GRID1: variants seen among roughly 807,000 people sequenced by gnomAD.
The protein encoded by GRID1 is glutamate receptor ionotropic, delta-1.
In GRID1, 28 loss-of-function variants were observed where a neutral mutation model predicts 98.0. That is an observed-to-expected ratio of 0.29 (90% CI 0.21 to 0.39). The LOEUF is 0.39. GRID1 is among the 10% of genes least tolerant of loss of function. The pLI is 1.00. For missense variants in GRID1, 1,111 were observed against 1,340.5 expected, an observed-to-expected ratio of 0.83 and a Z score of 2.67; for synonymous variants, 553 against 538.5, an observed-to-expected ratio of 1.03 and a Z score of -0.37.
chr10:85,654,446 G>A (rs189756218), intron 12 of GRID1, among the ~76,000 whole-genome samples: 4 of 152,256 alleles, frequency 2.6e-5, no homozygotes, highest in African/African-American at 2.4e-5. Flanking sequence ...TTTTTATTAC[G>A]TTATAAATAA....
intron 13 of GRID1, among the ~76,000 whole-genome samples, chr10:85,621,848 C>T (rs1411636594): frequency 6.6e-6 from 1 of 152,120 alleles, no homozygotes; most frequent in Non-Finnish European, 1.5e-5. Flanking sequence ...CTCTTAGTAA[C>T]CAAGTTTCTC....
At chr10:85,965,022 A>T (rs1842318557) in intron 4 of GRID1, among the ~76,000 whole-genome samples, 1 of 152,260 alleles carries the variant, frequency 6.6e-6, no homozygotes, top group African/African-American at 2.4e-5. Context: ...TGCAGCCAAC[A>T]AACATATGAA....
intron 15 of GRID1, among the ~76,000 whole-genome samples, chr10:85,603,210 T>C (rs1422385752): frequency 1.3e-5 from 2 of 152,202 alleles, no homozygotes; most frequent in South Asian, 4.1e-4. Context: ...CACAGGACCA[T>C]CAGTGTTAGA....
chr10:86,298,660 T>C (rs1993485), intron 2 of GRID1, among the ~76,000 whole-genome samples: 111,001 of 151,982 alleles, frequency 0.73, 43,784 homozygotes, highest in Non-Finnish European at 0.87. Flanking sequence ...GAGCTAAACA[T>C]GCCCCCGAGG....
At chr10:85,662,538 C>G (rs1026611402) in intron 12 of GRID1, among the ~76,000 whole-genome samples, 1 of 152,190 alleles carries the variant, frequency 6.6e-6, no homozygotes, top group Non-Finnish European at 1.5e-5. Flanking sequence ...CAGCTCCCTC[C>G]GTAATACTCC....
intron 8 of GRID1, among the ~76,000 whole-genome samples, chr10:85,783,677 T>C (rs1842400607): frequency 6.6e-6 from 1 of 152,154 alleles, no homozygotes; most frequent in South Asian, 2.1e-4. Flanking sequence ...TTACCACTGG[T>C]GGGAACAGGG....
chr10:85,807,854 C>G (rs983678926), intron 8 of GRID1, among the ~76,000 whole-genome samples: 3 of 152,238 alleles, frequency 2.0e-5, no homozygotes, highest in Non-Finnish European at 4.4e-5. Context: ...TCACAAGACT[C>G]AGGAATTCCA....
Position 86,066,173 on chromosome 10 carries a change from G to A in GRID1, c.726+72646C>T, listed in dbSNP as rs892926786. Among the ~76,000 whole-genome samples the A allele has an allele frequency of 2.6e-5, 4 of 152,126 alleles. No individual in the cohort carries two copies. The South Asian group carries it at 6.2e-4, about 24-fold the overall frequency. ...CTGAGTTGACTGAAATGTAAGACTC[G>A]ATTCGGAAGAAAGTTATTTATCACA... is the stretch of plus-strand genomic sequence containing the variant. On this transcript the variant is annotated intron_variant, in intron 4 of 15. Coordinates refer to ENST00000327946, the MANE Select transcript of GRID1 (RefSeq NM_017551.3).
chr10:86,346,060 G>A (rs1589456890), intron 2 of GRID1, among the ~76,000 whole-genome samples: 1 of 152,214 alleles, frequency 6.6e-6, no homozygotes, highest in Non-Finnish European at 1.5e-5. Context: ...CCACACCCCT[G>A]GGCAGGCTTC....
intron 3 of GRID1, among the ~76,000 whole-genome samples, chr10:86,155,277 T>C (rs755879399): frequency 6.6e-6 from 1 of 152,240 alleles, no homozygotes; most frequent in Non-Finnish European, 1.5e-5. Flanking sequence ...GTGATCACTT[T>C]GGCTGTCGAC....
At chr10:86,325,079 A>G (rs893250216) in intron 2 of GRID1, among the ~76,000 whole-genome samples, 2 of 152,216 alleles carry the variant, frequency 1.3e-5, no homozygotes, top group African/African-American at 2.4e-5. Flanking sequence ...AAAATTAACA[A>G]TAATTGAAGG....
chr10:86,031,896 C>T (rs887637173), intron 4 of GRID1, among the ~76,000 whole-genome samples: 3 of 152,198 alleles, frequency 2.0e-5, no homozygotes, highest in African/African-American at 7.2e-5. Flanking sequence ...TGGCTGTTCC[C>T]TCTGCCTAAA....
chr10:85,954,507 C>CA (rs906739336), intron 4 of GRID1, among the ~76,000 whole-genome samples: 1 of 151,532 alleles, frequency 6.6e-6, no homozygotes. Context: ...TCCAGGCAAC[C>CA]AAAAAAAGCC....
chr10:85,599,802 A>AAAAAAAAAAAAAAAAAAAAAATAT lies in GRID1; in HGVS notation c.*2470_*2471insATATTTTTTTTTTTTTTTTTTTTT. On this transcript the variant is annotated 3_prime_UTR_variant, in exon 16 of 16. Transcript: ENST00000327946. ...GTAGAAAATTCTAAAAAAAAAAAAAAATATATATATATATATATAAACATG... is the reference window on the plus strand; with the variant it reads ...GTAGAAAATTCTAAAAAAAAAAAAAAAAAAAAAAAAAAAAAAAAAAATATATATATATATATATATATAAACATG... The AAAAAAAAAAAAAAAAAAAAAATAT allele has an allele frequency of 1.5e-5, 1 of 65,000 alleles. No individual in the cohort carries two copies. The highest frequency in any genetic ancestry group is 9.3e-5 in the African/African-American group (1 of 10,730). The allele number at this position is 65,000 out of a possible 1,614,324, so 4.0% of individuals were successfully genotyped here.
intron 8 of GRID1, among the ~76,000 whole-genome samples, chr10:85,786,792 A>G (rs887711615): frequency 6.6e-6 from 1 of 152,234 alleles, no homozygotes; most frequent in Admixed American, 6.5e-5. Flanking sequence ...TTTGTGCAGA[A>G]GGCAATGAAC....
intron 8 of GRID1, among the ~76,000 whole-genome samples, chr10:85,812,080 A>G (rs1020927166): frequency 2.6e-5 from 4 of 152,230 alleles, no homozygotes; most frequent in Non-Finnish European, 5.9e-5. Context: ...ACATACTGCC[A>G]GTCAAGAACT....
At chr10:85,623,364 A>G (rs184469690) in intron 13 of GRID1, among the ~76,000 whole-genome samples, 6 of 152,272 alleles carry the variant, frequency 3.9e-5, no homozygotes. Flanking sequence ...GTCTTTATAC[A>G]GACCCTCTTC....
intron 6 of GRID1, among the ~76,000 whole-genome samples, chr10:85,864,989 A>G (rs909486622): frequency 1.3e-5 from 2 of 152,170 alleles, no homozygotes; most frequent in African/African-American, 2.4e-5. Flanking sequence ...TCTTACTTCA[A>G]TTGCAGCCCT....
intron 4 of GRID1, among the ~76,000 whole-genome samples, chr10:86,065,747 C>A (rs1265543150): frequency 6.6e-6 from 1 of 152,242 alleles, no homozygotes; most frequent in Non-Finnish European, 1.5e-5. Context: ...CCTCTTATGT[C>A]TGGCATGACA....
Sources: allele counts gnomAD v4.1 joint callset (sites outside exome capture counted in the v4.1 genomes callset), GRCh38; gene constraint gnomAD v4.1.1; transcripts MANE v1.5; gene names NCBI Gene and HGNC (gene_info 2026-07-23, HGNC 2026-07-21).